SP140: variants seen among roughly 807,000 people sequenced by gnomAD.
SP140 encodes SP140 nuclear body protein.
SP140 carries 81 observed loss-of-function variants against 125.0 expected under a neutral mutation model. That is an observed-to-expected ratio of 0.65 (90% CI 0.54 to 0.78). The LOEUF (loss-of-function observed/expected upper bound fraction) is 0.78, where lower values mean the gene tolerates loss of function less well. Among genes scored for constraint, SP140 ranks in the 30% least tolerant of loss-of-function variants. The pLI, the probability that SP140 is intolerant of heterozygous loss-of-function variation, is 0.00. For missense variants in SP140, 858 were observed against 1,037.0 expected (o/e 0.83, Z 2.37); for synonymous variants, 312 against 354.0 (o/e 0.88, Z 1.33).
At chr2:230,218,509 AGT>A (rs1266016390) in intron 3 of SP140, among the ~76,000 whole-genome samples, 2 of 152,220 alleles carry the variant, frequency 1.3e-5, no homozygotes, top group African/African-American at 4.8e-5. Context: ...ATCAGTGCAA[AGT>A]CAGAGAAAGG....
chr2:230,207,032 G>T (rs1310032099), intron 1 of SP140, among the ~76,000 whole-genome samples: 14 of 152,112 alleles, frequency 9.2e-5, no homozygotes. Context: ...GGTTGTAAAA[G>T]CCAGCAACAC....
At chr2:230,221,825 A>C, upstream of SP140, 1 of 1,150,098 alleles carries the variant, frequency 8.7e-7, no homozygotes. Context: ...ACAAACAAAC[A>C]AAAGTAAAGC....
chr2:230,294,202 G>A (rs2057434372), intron 20 of SP140, 69 bp from the exon 21 acceptor site: 1 of 1,288,170 alleles, frequency 7.8e-7, no homozygotes, highest in Non-Finnish European at 1.1e-6. Context: ...TTGGGAGGAG[G>A]TTGGAAATGC....
intron 22 of SP140, among the ~76,000 whole-genome samples, chr2:230,300,656 TC>T (rs1461903819): frequency 1.3e-5 from 2 of 152,148 alleles, no homozygotes; most frequent in Non-Finnish European, 2.9e-5. Context: ...GAACAGCAGC[TC>T]TTGAGTTTCA....
At chr2:230,200,919 C>T, upstream of SP140, 2 of 1,613,994 alleles carry the variant, frequency 1.2e-6, no homozygotes, top group South Asian at 2.2e-5. Context: ...TAGGCGTCTT[C>T]TGGGACCTCT....
At chr2:230,262,004 T>C (rs1480131241) in intron 12 of SP140, among the ~76,000 whole-genome samples, 2 of 152,182 alleles carry the variant, frequency 1.3e-5, no homozygotes, top group Non-Finnish European at 2.9e-5. Context: ...TTCTCTATCT[T>C]GTGGAATAGT....
intron 7 of SP140, among the ~76,000 whole-genome samples, chr2:230,246,160 TACAG>T (rs1226187775): frequency 1.3e-5 from 2 of 152,068 alleles, no homozygotes; most frequent in African/African-American, 4.8e-5. Flanking sequence ...CCTCCCCACA[TACAG>T]ACAGAGACAG....
chr2:230,253,727 C>T (rs3769842), intron 11 of SP140, among the ~76,000 whole-genome samples: 21,489 of 152,036 alleles, frequency 0.14, 1,555 homozygotes, highest in African/African-American at 0.18. Context: ...CACATGAAAC[C>T]GAAATATCAG....
intron 3 of SP140, chr2:230,238,768 A>G: frequency 6.4e-7 from 1 of 1,550,682 alleles, no homozygotes; most frequent in Non-Finnish European, 8.7e-7. Flanking sequence ...TAGAAAATTT[A>G]TCATCCAGTG....
intron 19 of SP140, among the ~76,000 whole-genome samples, chr2:230,291,278 T>C (rs980552598): frequency 1.3e-5 from 2 of 152,258 alleles, no homozygotes; most frequent in Non-Finnish European, 2.9e-5. Context: ...ACAGCTTTAC[T>C]GAGATATAGT....
At chr2:230,273,916 AGAG>A (rs1424671184) in intron 15 of SP140, among the ~76,000 whole-genome samples, 3 of 152,128 alleles carry the variant, frequency 2.0e-5, no homozygotes, top group African/African-American at 4.8e-5. Flanking sequence ...ATGAACACCT[AGAG>A]GAGAACAACA....
chr2:230,307,955 GTATA>G lies in SP140; in HGVS notation c.2059-1936_2059-1933del, dbSNP rs60233854. Among the ~76,000 whole-genome samples the G allele has an allele frequency of 9.4e-3, 455 of 48,410 alleles. 6 individuals carry two copies. Among genetic ancestry groups the G allele is most frequent in the East Asian group, 0.041 (108 of 2,650 alleles). The allele number at this position is 48,410 out of a possible 152,430, so 31.8% of individuals were successfully genotyped here. On this transcript the variant is annotated intron_variant, in intron 22 of 26. Coordinates refer to ENST00000392045, the MANE Select transcript of SP140 (RefSeq NM_007237.5). ...ATGAAAAAGACACTTGGACATGCAT[GTATA>G]TATATATATATATATATATATATAT...
chr2:230,214,994 C>T lies in SP140; in HGVS notation c.-91+920C>T, dbSNP rs779122774. ...AATCGTCACCAGATTGGGATATTCACGCAGGTTAATTTGACTGAACAATGT... is the reference window on the plus strand; with the variant it reads ...AATCGTCACCAGATTGGGATATTCATGCAGGTTAATTTGACTGAACAATGT... On this transcript the variant is annotated intron_variant, in intron 3 of 4. Transcript: ENST00000456542. The T allele has an allele frequency of 1.5e-5, 25 of 1,613,996 alleles. No individual in the cohort carries two copies. The highest frequency in any genetic ancestry group is 6.7e-5 in the African/African-American group (5 of 75,044).
At chr2:230,300,823 G>T (rs1342805306) in intron 22 of SP140, among the ~76,000 whole-genome samples, 1 of 152,150 alleles carries the variant, frequency 6.6e-6, no homozygotes, top group Admixed American at 6.5e-5. Context: ...GCCAGAAAAA[G>T]AATTCAGAAG....
At chr2:230,236,872 A>C (rs1353407498) in intron 1 of SP140, among the ~76,000 whole-genome samples, 1 of 152,214 alleles carries the variant, frequency 6.6e-6, no homozygotes, top group Non-Finnish European at 1.5e-5. Context: ...ACTTCTATGT[A>C]CAGGTCTTTC....
At chr2:230,280,577 G>T (rs2055395209) in intron 15 of SP140, among the ~76,000 whole-genome samples, 1 of 151,936 alleles carries the variant, frequency 6.6e-6, no homozygotes, top group Non-Finnish European at 1.5e-5. Context: ...GCTTTTTAAT[G>T]GATTGGTATA....
rs2059199887 is a variant in SP140, at chr2:230,310,126, G to T, written c.2174+87G>T. On this transcript the variant is annotated intron_variant, in intron 23 of 26. Transcript: ENST00000392045. ...ACTCTCCAGCAGAGTGCCGGCTTGT[G>T]TCTAGATGGGGAAAGAGCAGGTTCA... 1.5e-5 allele frequency: 20 copies of T among 1,293,764 alleles called. No homozygotes were observed. In the South Asian group the frequency reaches 1.9e-4, roughly 12 times the overall value. The allele number at this position is 1,293,764 out of a possible 1,614,324, so 80.1% of individuals were successfully genotyped here. A position where few individuals can be genotyped will look rare whatever the true frequency, so the allele number is the denominator to read the frequency against.
intron 20 of SP140, 133 bp from the exon 21 acceptor site, chr2:230,294,138 T>G (rs2057427160): frequency 1.5e-6 from 1 of 684,184 alleles, no homozygotes; most frequent in East Asian, 2.7e-5. Flanking sequence ...GGAGATGGTT[T>G]CTCATTAGAC....
chr2:230,209,853 G>C, intron 1 of SP140: 1 of 868,066 alleles, frequency 1.2e-6, no homozygotes, highest in Non-Finnish European at 2.0e-6. Context: ...TGGTGCTCTT[G>C]ACAAGATACA....
Sources: gnomAD v4.1 joint callset for allele counts (sites outside exome capture counted in the v4.1 genomes callset) on GRCh38, gnomAD v4.1.1 for gene constraint, MANE v1.5 for transcripts, NCBI Gene and HGNC (gene_info 2026-07-23, HGNC 2026-07-21) for gene names.